Variants in FAF1 observed in about 807,000 individuals in gnomAD.
The protein encoded by FAF1 is FAS-associated factor 1.
FAF1 carries 25 observed loss-of-function variants against 92.5 expected under a neutral mutation model. The observed-to-expected ratio is 0.27, with a 90% confidence interval of 0.20 to 0.38. FAF1 has a LOEUF of 0.38. Ranked by LOEUF, FAF1 falls within the 10% of genes least tolerant of loss-of-function variation. The pLI is 1.00. For missense variants in FAF1, 636 were observed against 793.3 expected, an observed-to-expected ratio of 0.80 and a Z score of 2.38; for synonymous variants, 234 against 273.2, an observed-to-expected ratio of 0.86 and a Z score of 1.42.
intron 4 of FAF1, among the ~76,000 whole-genome samples, chr1:50,754,533 T>C (rs1193616632): frequency 6.6e-6 from 1 of 152,212 alleles, no homozygotes; most frequent in African/African-American, 2.4e-5. Flanking sequence ...TATTCCATAC[T>C]GGCTGGAAAT....
intron 13 of FAF1, among the ~76,000 whole-genome samples, chr1:50,550,044 A>C (rs1649230603): frequency 6.6e-6 from 1 of 152,006 alleles, no homozygotes; most frequent in Non-Finnish European, 1.5e-5. Context: ...TATCACCCTA[A>C]TGGATATAAA....
chr1:50,604,669 A>G (rs1652295446), intron 8 of FAF1, among the ~76,000 whole-genome samples: 1 of 151,982 alleles, frequency 6.6e-6, no homozygotes, highest in Non-Finnish European at 1.5e-5. Flanking sequence ...TGCCATGCCC[A>G]GCTAATTCTT....
At chr1:50,907,180 G>A (rs1022774102) in intron 1 of FAF1, among the ~76,000 whole-genome samples, 4 of 152,160 alleles carry the variant, frequency 2.6e-5, no homozygotes, top group Non-Finnish European at 4.4e-5. Context: ...AACGGATTAC[G>A]TTTATTGATT....
chr1:50,582,742 T>C, intron 11 of FAF1, 43 bp from the exon 12 acceptor site: 1 of 1,245,194 alleles, frequency 8.0e-7, no homozygotes. Flanking sequence ...ACTTTTCAAA[T>C]TCACTTCAGA....
intron 7 of FAF1, among the ~76,000 whole-genome samples, chr1:50,699,316 A>C (rs1336590713): frequency 6.6e-6 from 1 of 152,106 alleles, no homozygotes; most frequent in Non-Finnish European, 1.5e-5. Flanking sequence ...TTTAAGGATA[A>C]GGAATAACTA....
At chr1:50,942,065 T>C (rs544154719) in intron 1 of FAF1, among the ~76,000 whole-genome samples, 170 of 152,200 alleles carry the variant, frequency 1.1e-3, no homozygotes, top group Non-Finnish European at 2.0e-3. Context: ...TATCTGTCAT[T>C]AGATAATTAC....
intron 1 of FAF1, among the ~76,000 whole-genome samples, chr1:50,949,588 A>G (rs1348658134): frequency 1.3e-5 from 2 of 152,250 alleles, no homozygotes; most frequent in East Asian, 1.9e-4. Context: ...CAGGACATGC[A>G]GTCAACTACT....
At chr1:50,607,572 G>C (rs1237616127) in intron 8 of FAF1, among the ~76,000 whole-genome samples, 1 of 152,090 alleles carries the variant, frequency 6.6e-6, no homozygotes, top group Non-Finnish European at 1.5e-5. Flanking sequence ...CATTACTCTT[G>C]CCTGGGTTTC....
At chr1:50,874,628 G>A (rs1470842468) in intron 1 of FAF1, among the ~76,000 whole-genome samples, 1 of 151,924 alleles carries the variant, frequency 6.6e-6, no homozygotes, top group African/African-American at 2.4e-5. Flanking sequence ...CAATGCACAA[G>A]GATTACTGGC....
In FAF1 at chr1:50,473,462, G is replaced by C. The variant is rs370221661; in HGVS notation, c.1869+2002C>G. Among the ~76,000 whole-genome samples the C allele has an allele frequency of 3.9e-5, 6 of 152,296 alleles. No individual in the cohort carries two copies. In the East Asian group the frequency reaches 1.2e-3, roughly 29 times the overall value. On this transcript the variant is annotated intron_variant, in intron 18 of 18. Transcript: ENST00000396153. ...TGGGAAGGGCAAACTTAGCTCCTAAGTTTTTTAAGTTCTCTGAGGTGAGAT... is the reference window on the plus strand; with the variant it reads ...TGGGAAGGGCAAACTTAGCTCCTAACTTTTTTAAGTTCTCTGAGGTGAGAT...
intron 1 of FAF1, among the ~76,000 whole-genome samples, chr1:50,907,930 C>T (rs938076408): frequency 6.6e-6 from 1 of 152,024 alleles, no homozygotes; most frequent in African/African-American, 2.4e-5. Context: ...AATGTGTTTG[C>T]TCTTGCTTAT....
At chr1:50,874,435 C>T (rs1375567268) in intron 1 of FAF1, among the ~76,000 whole-genome samples, 1 of 152,132 alleles carries the variant, frequency 6.6e-6, no homozygotes, top group South Asian at 2.1e-4. Context: ...GATCACAGCT[C>T]ACTATAATAC....
At chr1:50,563,484 G>A (rs1262703186) in intron 13 of FAF1, among the ~76,000 whole-genome samples, 1 of 151,738 alleles carries the variant, frequency 6.6e-6, no homozygotes, top group Non-Finnish European at 1.5e-5. Flanking sequence ...AGGGCTTCCT[G>A]TCACTGTTTT....
At chr1:50,951,567 G>A (rs1204123397) in intron 1 of FAF1, among the ~76,000 whole-genome samples, 1 of 152,098 alleles carries the variant, frequency 6.6e-6, no homozygotes, top group Non-Finnish European at 1.5e-5. Context: ...AAATACAAGT[G>A]GTCTGAATCC....
intron 2 of FAF1, among the ~76,000 whole-genome samples, chr1:50,826,921 G>A (rs1644103953): frequency 6.6e-6 from 1 of 152,050 alleles, no homozygotes; most frequent in Non-Finnish European, 1.5e-5. Context: ...CCCCGTCTGG[G>A]AAGTGAGGAG....
intron 4 of FAF1, among the ~76,000 whole-genome samples, chr1:50,778,865 A>G (rs1339616094): frequency 6.6e-6 from 1 of 152,098 alleles, no homozygotes; most frequent in Non-Finnish European, 1.5e-5. Flanking sequence ...ACACACAAAT[A>G]GAGCTTGCTG....
chr1:50,689,411 C>G lies in FAF1; in HGVS notation c.657+16375G>C, dbSNP rs578136910. Among the ~76,000 whole-genome samples, 3 of 152,108 alleles carry G rather than the reference C, an allele frequency of 2.0e-5. No individual in the cohort carries two copies. In the East Asian group the frequency reaches 5.8e-4, roughly 29 times the overall value. On this transcript the variant is annotated intron_variant, in intron 7 of 18. Transcript: ENST00000396153. ...CATCCTCGCTAACACAGTGAAACCC[C>G]GTCTCTACTAAACATAGAAAAAATT... is the stretch of plus-strand genomic sequence containing the variant.
chr1:50,819,399 G>A (rs761852663), intron 2 of FAF1, among the ~76,000 whole-genome samples: 51 of 151,058 alleles, frequency 3.4e-4, no homozygotes, highest in South Asian at 1.3e-3. Flanking sequence ...GAGATCGAGT[G>A]AGCCTAGGGG....
intron 1 of FAF1, among the ~76,000 whole-genome samples, chr1:50,869,271 A>G (rs1171689311): frequency 1.3e-5 from 2 of 152,098 alleles, no homozygotes; most frequent in Non-Finnish European, 2.9e-5. Flanking sequence ...CATTTCTTTT[A>G]GACAGACTAT....
Sources: allele counts gnomAD v4.1 joint callset (sites outside exome capture counted in the v4.1 genomes callset), GRCh38; gene constraint gnomAD v4.1.1; transcripts MANE v1.5; gene names NCBI Gene and HGNC (gene_info 2026-07-23, HGNC 2026-07-21).